The following TENM3 variants were observed in gnomAD, a reference collection of about 807,000 sequenced individuals.
TENM3 encodes the protein teneurin transmembrane protein 3.
Under a neutral mutation model 255.1 loss-of-function variants are expected in TENM3, and 63 were observed. That is an observed-to-expected ratio of 0.25 (90% CI 0.20 to 0.30). TENM3 has a LOEUF of 0.30. TENM3 is among the 10% of genes least tolerant of loss of function. TENM3 has a pLI of 1.00. For missense variants in TENM3, 2,929 were observed against 3,461.1 expected (o/e 0.85, Z 3.86); for synonymous variants, 1,306 against 1,322.3 (o/e 0.99, Z 0.27).
In TENM3 at chr4:182,339,522, C is replaced by T. The variant is rs145881440; in HGVS notation, c.233-7129C>T. On this transcript the variant is annotated intron_variant, in intron 2 of 27. Transcript: ENST00000511685. ...GGCAGCCAACCTGCTTTGTGGATTA[C>T]CCACCAGAAGGTGTGAGTAGATAGA... Among the ~76,000 whole-genome samples, 13 of 152,284 alleles carry T rather than the reference C, an allele frequency of 8.5e-5. No homozygotes were observed. In the East Asian group the frequency reaches 2.3e-3, roughly 27 times the overall value.
intron 4 of TENM3, among the ~76,000 whole-genome samples, chr4:182,613,688 C>T (rs1749219536): frequency 6.6e-6 from 1 of 152,154 alleles, no homozygotes; most frequent in Non-Finnish European, 1.5e-5. Context: ...GGTTAACACA[C>T]ATAATGCTAT....
chr4:182,755,552 A>G lies in TENM3; in HGVS notation c.4892+293A>G, dbSNP rs571341056. ...GCCAGAACGTATCTCTAAAGAAAAA[A>G]AAATGGCCGGGCGCAGTGGCTCACG... On this transcript the variant is annotated intron_variant, in intron 22 of 27. Coordinates refer to ENST00000511685, the MANE Select transcript of TENM3 (RefSeq NM_001080477.4). Among the ~76,000 whole-genome samples the G allele has an allele frequency of 3.9e-5, 6 of 152,106 alleles. No individual in the cohort carries two copies. In the South Asian group the frequency reaches 1.3e-3, roughly 32 times the overall value.
chr4:181,842,383 T>A, the TENM3 span, among the ~76,000 whole-genome samples: 3 of 152,238 alleles, frequency 2.0e-5, no homozygotes, highest in Non-Finnish European at 2.9e-5. Flanking sequence ...ATTCTATATC[T>A]GCCTGTTTAA....
rs1214989577 is a variant in TENM3, at chr4:182,195,025, A to T, written c.-76+50271A>T. 5.1e-3 allele frequency among the ~76,000 whole-genome samples: 38 copies of T among 7,434 alleles called. No individual in the cohort carries two copies. In the South Asian group the frequency reaches 0.062, roughly 12 times the overall value. 4.9% of individuals were successfully genotyped at this position (7,434 alleles called of 152,430 possible). ...ATAAGTGACCAACACAGTCTCTATCACACACACACACACACACACACACAC... is the reference window on the plus strand; with the variant it reads ...ATAAGTGACCAACACAGTCTCTATCTCACACACACACACACACACACACAC... On this transcript the variant is annotated intron_variant, in intron 1 of 2. Coordinates refer to the TENM3 transcript ENST00000512480.
chr4:181,826,764 A>G, the TENM3 span, among the ~76,000 whole-genome samples: 1 of 152,226 alleles, frequency 6.6e-6, no homozygotes, highest in Non-Finnish European at 1.5e-5. Flanking sequence ...TTTGGATTTA[A>G]TTGGTATGGG....
chr4:182,146,051 G>T (rs932503565), intron 1 of TENM3, among the ~76,000 whole-genome samples: 2 of 152,040 alleles, frequency 1.3e-5, no homozygotes, highest in African/African-American at 4.8e-5. Flanking sequence ...AAATAATGAC[G>T]CATATCCCTT....
the TENM3 span, among the ~76,000 whole-genome samples, chr4:181,789,126 C>G: frequency 6.6e-6 from 1 of 152,138 alleles, no homozygotes; most frequent in East Asian, 1.9e-4. Context: ...TACATTTGGT[C>G]TTTGCCCCAG....
the TENM3 span, among the ~76,000 whole-genome samples, chr4:181,939,974 G>C: frequency 1.3e-5 from 2 of 152,184 alleles, no homozygotes; most frequent in African/African-American, 4.8e-5. Context: ...AATTGACTGA[G>C]TGGAGAAACA....
the TENM3 span, among the ~76,000 whole-genome samples, chr4:181,876,037 A>G: frequency 6.6e-6 from 1 of 152,236 alleles, no homozygotes; most frequent in East Asian, 1.9e-4. Flanking sequence ...CCTCTGGACT[A>G]TATTTCTGGC....
At chr4:181,546,715 G>GA in the TENM3 span, among the ~76,000 whole-genome samples, 3,928 of 93,206 alleles carry the variant, frequency 0.042, 190 homozygotes, top group African/African-American at 0.13. Context: ...CTCCGTCTCA[G>GA]AAAAAAAAAA....
intron 1 of TENM3, among the ~76,000 whole-genome samples, chr4:182,247,336 T>C (rs1288688850): frequency 1.3e-5 from 2 of 152,130 alleles, no homozygotes; most frequent in Non-Finnish European, 2.9e-5. Context: ...GAGAGAGCCA[T>C]GATAAATGTC....
rs183781125 is a variant in TENM3, at chr4:182,691,632, A to T, written c.2221+3281A>T. ...ATCATGTGTTCAGCAAATTAGGCAT[A>T]TTCGTCTGCAGGTTCATCATCCCAA... On this transcript the variant is annotated intron_variant, in intron 12 of 27. Transcript: ENST00000511685. 8.6e-3 allele frequency among the ~76,000 whole-genome samples: 1,315 copies of T among 152,296 alleles called. 10 individuals are homozygous for T. The highest frequency in any genetic ancestry group is 0.014 in the South Asian group (68 of 4,826).
the TENM3 span, among the ~76,000 whole-genome samples, chr4:182,082,515 T>C: frequency 6.6e-6 from 1 of 152,218 alleles, no homozygotes; most frequent in Admixed American, 6.5e-5. Context: ...CATATATTAA[T>C]TGAAAATTTC....
the TENM3 span, among the ~76,000 whole-genome samples, chr4:181,551,050 T>C: frequency 1.3e-5 from 2 of 152,228 alleles, no homozygotes. Flanking sequence ...AGCACCTTGA[T>C]GGATTTTACA....
chr4:181,636,681 C>T, the TENM3 span, among the ~76,000 whole-genome samples: 1 of 152,314 alleles, frequency 6.6e-6, no homozygotes, highest in Non-Finnish European at 1.5e-5. Context: ...TCAGTGCAAG[C>T]GCCCATCGTG....
At chr4:181,614,416 A>G in the TENM3 span, among the ~76,000 whole-genome samples, 1 of 152,202 alleles carries the variant, frequency 6.6e-6, no homozygotes, top group African/African-American at 2.4e-5. Context: ...ACAACCAACC[A>G]AATGTATTTA....
chr4:182,699,632 T>A (rs1006293082), intron 12 of TENM3, among the ~76,000 whole-genome samples: 23 of 152,222 alleles, frequency 1.5e-4, no homozygotes, highest in Non-Finnish European at 1.2e-4. Context: ...TTTTTCTTTC[T>A]GAAACCGCAT....
chr4:181,894,120 T>G, the TENM3 span, among the ~76,000 whole-genome samples: 2 of 152,152 alleles, frequency 1.3e-5, no homozygotes, highest in African/African-American at 2.4e-5. Context: ...GCTATGAGGT[T>G]CTCATGTTTT....
intron 3 of TENM3, among the ~76,000 whole-genome samples, chr4:182,569,292 C>T (rs747125872): frequency 6.6e-6 from 1 of 152,132 alleles, no homozygotes; most frequent in Admixed American, 6.5e-5. Flanking sequence ...CAGTGGCTCA[C>T]GCCTGTAATC....
Sources: allele counts gnomAD v4.1 joint callset (sites outside exome capture counted in the v4.1 genomes callset), GRCh38; gene constraint gnomAD v4.1.1; transcripts MANE v1.5; gene names NCBI Gene and HGNC (gene_info 2026-07-23, HGNC 2026-07-21).